Variants in SCTR observed in about 807,000 individuals in gnomAD.
SCTR encodes the protein secretin receptor.
A neutral mutation model predicts 60.8 loss-of-function variants in SCTR; 56 were observed. The ratio of observed to expected loss-of-function variants is 0.92; its 90% CI spans 0.74 to 1.15. The LOEUF (loss-of-function observed/expected upper bound fraction) is 1.15, where lower values mean the gene tolerates loss of function less well. SCTR is among the 50% of genes most tolerant of loss of function. The pLI, the probability that SCTR is intolerant of heterozygous loss-of-function variation, is 0.00. For missense variants in SCTR, 562 were observed against 550.4 expected (o/e 1.02, Z -0.21); for synonymous variants, 202 against 217.0 (o/e 0.93, Z 0.61).
chr2:119,440,351 C>A (rs1573772315), intron 12 of SCTR, 94 bp from the exon 13 acceptor site: 3 of 1,407,404 alleles, frequency 2.1e-6, no homozygotes, highest in Non-Finnish European at 1.9e-6. Context: ...CAGGCCCTGC[C>A]ACTCCTGCCC....
chr2:119,453,720 G>T (rs1042379748), intron 7 of SCTR, among the ~76,000 whole-genome samples: 1 of 152,224 alleles, frequency 6.6e-6, no homozygotes, highest in Admixed American at 6.5e-5. Context: ...ACTGTGATCT[G>T]CCTGGCCACG....
chr2:119,508,313 C>T (rs1210935063), intron 1 of SCTR, among the ~76,000 whole-genome samples: 1 of 151,744 alleles, frequency 6.6e-6, no homozygotes, highest in Admixed American at 6.6e-5. Flanking sequence ...TTCTGAACCT[C>T]CACATTCCAT....
chr2:119,463,991 C>A, intron 6 of SCTR, 132 bp downstream of exon 6: 12 of 948,496 alleles, frequency 1.3e-5, no homozygotes, highest in Non-Finnish European at 2.0e-5. Context: ...GCACTGGCTG[C>A]TTTATCCTTG....
intron 2 of SCTR, among the ~76,000 whole-genome samples, chr2:119,482,823 AG>A (rs1326053239): frequency 6.6e-6 from 1 of 152,094 alleles, no homozygotes; most frequent in African/African-American, 2.4e-5. Context: ...GTGCTGACCT[AG>A]CCTGGCACCT....
At chr2:119,451,965 C>T (rs369786498) in intron 9 of SCTR, 45 bp downstream of exon 9, 23 of 1,256,210 alleles carry the variant, frequency 1.8e-5, no homozygotes, top group Admixed American at 3.6e-5. Flanking sequence ...TCACCATTTC[C>T]GTCTCTCCCA....
At chr2:119,481,662 C>T (rs941449799) in intron 2 of SCTR, among the ~76,000 whole-genome samples, 1 of 152,184 alleles carries the variant, frequency 6.6e-6, no homozygotes, top group African/African-American at 2.4e-5. Flanking sequence ...TGTGTCTTCA[C>T]CTTGGTACCT....
chr2:119,446,755 T>C lies in SCTR; in HGVS notation c.1140+4A>G, dbSNP rs755484477. The C allele has an allele frequency of 2.6e-6, 4 of 1,515,724 alleles. No homozygotes were observed. In the South Asian group the frequency reaches 5.3e-5, roughly 20 times the overall value. The allele number at this position is 1,515,724 out of a possible 1,614,324, so 93.9% of individuals were successfully genotyped here. A position where few individuals can be genotyped will look rare whatever the true frequency, so the allele number is the denominator to read the frequency against. ...AGCTGGCAGCCCCAGTCCTGGAAAC[T>C]TACCTGGAATGAGCCAAGGGCTAGT... On this transcript the variant is annotated splice_donor_region_variant and intron_variant, in intron 11 of 12. Transcript: ENST00000019103.
At chr2:119,518,226 A>T (rs1679173662) in intron 1 of SCTR, among the ~76,000 whole-genome samples, 1 of 152,172 alleles carries the variant, frequency 6.6e-6, no homozygotes, top group Admixed American at 6.5e-5. Flanking sequence ...GCTGACTAAG[A>T]CAGACGGGAA....
intron 3 of SCTR, 76 bp from the exon 4 acceptor site, chr2:119,473,632 A>G: frequency 1.1e-6 from 1 of 932,760 alleles, no homozygotes; most frequent in Admixed American, 1.8e-5. Flanking sequence ...CTATTGTAAC[A>G]TGTAGCTGCT....
At chr2:119,455,040 T>C (rs991276805) in intron 7 of SCTR, among the ~76,000 whole-genome samples, 1 of 151,862 alleles carries the variant, frequency 6.6e-6, no homozygotes, top group Non-Finnish European at 1.5e-5. Context: ...TCAGATTCTT[T>C]TTTTTTTAAG....
chr2:119,451,898 TC>T, intron 9 of SCTR, 111 bp downstream of exon 9: 1 of 692,620 alleles, frequency 1.4e-6, no homozygotes, highest in East Asian at 2.7e-5. Flanking sequence ...CTGTGGTTTA[TC>T]CCTCCTGGCA....
rs759949679 is a variant in SCTR at position 119,453,276 on chromosome 2, C to T, written c.851+11G>A. 51 of 1,592,262 alleles carry T rather than the reference C, an allele frequency of 3.2e-5. 1 individual carries two copies. Among genetic ancestry groups the T allele is most frequent in the East Asian group, 4.5e-5 (2 of 44,782 alleles). On this transcript the variant is annotated intron_variant, in intron 8 of 12. Transcript: ENST00000019103. ...AGATACATTCTTGTTATCCTCCTTC[C>T]GTTAGCTTACCCAACATCTTCCAGA...
chr2:119,440,358 GC>G, intron 12 of SCTR, 101 bp from the exon 13 acceptor site: 4 of 1,345,382 alleles, frequency 3.0e-6, no homozygotes, highest in Non-Finnish European at 4.1e-6. Context: ...TGCCACTCCT[GC>G]CCAGCTGCCC....
chr2:119,467,297 T>G (rs1439297959), intron 4 of SCTR, among the ~76,000 whole-genome samples: 2 of 151,830 alleles, frequency 1.3e-5, no homozygotes, highest in Non-Finnish European at 2.9e-5. Flanking sequence ...GAGGCTCGCT[T>G]GAACCCGGGA....
intron 7 of SCTR, among the ~76,000 whole-genome samples, chr2:119,455,921 A>G (rs2587694): frequency 0.6 from 90,912 of 152,024 alleles, 28,396 homozygotes; most frequent in Non-Finnish European, 0.69. Context: ...TCCCTGTGAC[A>G]TTTCAGAACA....
chr2:119,467,882 C>T (rs958573989), intron 4 of SCTR, among the ~76,000 whole-genome samples: 63 of 152,218 alleles, frequency 4.1e-4, no homozygotes, highest in African/African-American at 1.4e-3. Flanking sequence ...GTGATTCCAG[C>T]TATATGTAAA....
At chr2:119,521,323 A>C (rs996530893) in intron 1 of SCTR, among the ~76,000 whole-genome samples, 1 of 152,178 alleles carries the variant, frequency 6.6e-6, no homozygotes, top group African/African-American at 2.4e-5. Context: ...CATCAGCATG[A>C]TTTCATTCAG....
chr2:119,444,455 ATAT>A (rs1682818108), intron 11 of SCTR, among the ~76,000 whole-genome samples: 2 of 120,372 alleles, frequency 1.7e-5, no homozygotes, highest in Non-Finnish European at 3.3e-5. Context: ...ATACGTACGT[ATAT>A]ATATACACAT....
intron 1 of SCTR, among the ~76,000 whole-genome samples, chr2:119,508,383 C>CTTTTTTTTTT (rs34070844): frequency 8.0e-4 from 62 of 77,402 alleles, no homozygotes; most frequent in South Asian, 1.1e-3. Context: ...TCTTCTTCTT[C>CTTTTTTTTTT]TTTTTTTTTT....
Sources: gnomAD v4.1 joint callset for allele counts (sites outside exome capture counted in the v4.1 genomes callset) on GRCh38, gnomAD v4.1.1 for gene constraint, MANE v1.5 for transcripts, NCBI Gene and HGNC (gene_info 2026-07-23, HGNC 2026-07-21) for gene names.